The following PAX9 variants were observed in gnomAD, a reference collection of about 807,000 sequenced individuals.
PAX9 encodes the protein paired box protein Pax-9.
Under a neutral mutation model 29.1 loss-of-function variants are expected in PAX9, and 6 were observed. The observed-to-expected ratio is 0.21, with a 90% confidence interval of 0.11 to 0.41. The LOEUF is 0.41. PAX9 is among the 10% of genes least tolerant of loss of function. PAX9 has a pLI of 1.00. For missense variants in PAX9, 443 were observed against 479.1 expected, an observed-to-expected ratio of 0.92 and a Z score of 0.70; for synonymous variants, 217 against 211.7, an observed-to-expected ratio of 1.03 and a Z score of -0.22.
In PAX9 at chr14:36,661,994, G is replaced by A. The variant is rs1594465853; in HGVS notation, c.-96G>A. On this transcript the variant is annotated 5_prime_UTR_variant, in exon 1 of 4. Transcript: ENST00000361487. ...GGAAGAAGCGGAGGCGCCGGCGGTCGGCCGGGATAGCAACAGGCCGGGCCA... is the reference window on the plus strand; with the variant it reads ...GGAAGAAGCGGAGGCGCCGGCGGTCAGCCGGGATAGCAACAGGCCGGGCCA... 16 of 1,505,586 alleles carry A rather than the reference G, an allele frequency of 1.1e-5. No homozygotes were observed. The East Asian group carries it at 3.9e-4, about 37-fold the overall frequency. The allele number at this position is 1,505,586 out of a possible 1,614,324, so 93.3% of individuals were successfully genotyped here. A position where few individuals can be genotyped will look rare whatever the true frequency, so the allele number is the denominator to read the frequency against.
chr14:36,678,691 A>G lies in PAX9; in HGVS notation c.*2239A>G. 1 of 1,248,858 alleles carries G rather than the reference A, an allele frequency of 8.0e-7. No individual in the cohort carries two copies. Among genetic ancestry groups the G allele is most frequent in the Non-Finnish European group, 1.0e-6 (1 of 995,472 alleles). 77.4% of individuals were successfully genotyped at this position (1,248,858 alleles called of 1,614,324 possible). On this transcript the variant is annotated 3_prime_UTR_variant, in exon 4 of 4. Coordinates refer to ENST00000361487, the MANE Select transcript of PAX9 (RefSeq NM_001372076.1). ...ACTTGCTTGTGTGGAAATGCAAATAATGTTATTTTCTTTATCTAAATTAAG... is the reference window on the plus strand; with the variant it reads ...ACTTGCTTGTGTGGAAATGCAAATAGTGTTATTTTCTTTATCTAAATTAAG...
upstream of PAX9, among the ~76,000 whole-genome samples, chr14:36,660,624 C>A (rs1250689233): frequency 6.6e-6 from 1 of 152,104 alleles, no homozygotes; most frequent in Admixed American, 6.5e-5. Context: ...CACACACATC[C>A]CTGGGGACTG....
intron 3 of PAX9, among the ~76,000 whole-genome samples, chr14:36,674,786 T>C (rs1278619710): frequency 6.6e-6 from 1 of 152,224 alleles, no homozygotes; most frequent in African/African-American, 2.4e-5. Flanking sequence ...AAACACAACA[T>C]GAGGTGTTTG....
At chr14:36,662,681 C>T (rs754400652) in intron 1 of PAX9, 23 of 612,738 alleles carry the variant, frequency 3.8e-5, no homozygotes, top group Non-Finnish European at 6.2e-5. Flanking sequence ...TAGGGGCCTC[C>T]GGCACGGCAG....
Position 36,676,579 on chromosome 14 carries a change from G to C in PAX9, c.*127G>C. 4.7e-6 allele frequency: 5 copies of C among 1,057,676 alleles called. No individual in the cohort carries two copies. The highest frequency in any genetic ancestry group is 7.0e-6 in the Non-Finnish European group (5 of 710,000). The allele number at this position is 1,057,676 out of a possible 1,614,324, so 65.5% of individuals were successfully genotyped here. Reference sequence around the variant, plus strand: ...CTTCTGCCTTGAAAGCTGGCTGTACGGACTCACATCCTTTGTGCTAATGAC... The same window carrying C: ...CTTCTGCCTTGAAAGCTGGCTGTACCGACTCACATCCTTTGTGCTAATGAC... On this transcript the variant is annotated 3_prime_UTR_variant, in exon 4 of 4. Transcript: ENST00000361487.
chr14:36,673,598 C>T (rs1881776225), intron 3 of PAX9, among the ~76,000 whole-genome samples: 1 of 151,630 alleles, frequency 6.6e-6, no homozygotes. Context: ...GTAAATGGGG[C>T]AGATCAATGA....
chr14:36,676,435 A>G lies in PAX9; in HGVS notation c.1009A>G (p.Thr337Ala), dbSNP rs1317002348. ...AGCCAGAGAAGGTAGTCATTCTGTC[A>G]CGGCTTCCGCGCTCTGATGGGAAAT... ...QAAREGSHSV[T>A]ASAL The change falls in exon 4 of 4, where the codon ACG (threonine) becomes GCG (alanine). Residue 337 changes from threonine (T) to alanine (A), a missense_variant. Coordinates refer to ENST00000361487, the MANE Select transcript of PAX9 (RefSeq NM_001372076.1). The G allele has an allele frequency of 6.2e-7, 1 of 1,613,584 alleles. No homozygotes were observed.
chr14:36,661,170 C>T (rs1265908839), upstream of PAX9, among the ~76,000 whole-genome samples: 1 of 152,242 alleles, frequency 6.6e-6, no homozygotes, highest in African/African-American at 2.4e-5. Flanking sequence ...GTTCAGTTCC[C>T]CGCACACGGC....
chr14:36,672,983 A>G (rs1881751761), intron 3 of PAX9, among the ~76,000 whole-genome samples: 1 of 147,126 alleles, frequency 6.8e-6, no homozygotes. Flanking sequence ...TTCCTGCCTC[A>G]GACTCCCAAG....
intron 2 of PAX9, 171 bp from the exon 3 acceptor site, chr14:36,666,291 G>C: frequency 1.3e-6 from 1 of 746,636 alleles, no homozygotes; most frequent in Middle Eastern, 4.0e-4. Context: ...CAGGCCCTGG[G>C]CTGGAAGCAC....
intron 3 of PAX9, among the ~76,000 whole-genome samples, chr14:36,667,369 A>G (rs1159246359): frequency 6.6e-6 from 1 of 151,776 alleles, no homozygotes. Flanking sequence ...ACCACAACAA[A>G]AGCCCCAGAT....
intron 2 of PAX9, among the ~76,000 whole-genome samples, chr14:36,665,423 A>T (rs1490723652): frequency 6.6e-6 from 1 of 152,218 alleles, no homozygotes; most frequent in Non-Finnish European, 1.5e-5. Context: ...GGAAGTGTTT[A>T]AAATCAAGTT....
chr14:36,668,450 G>A (rs562600964), intron 3 of PAX9, among the ~76,000 whole-genome samples: 4 of 152,238 alleles, frequency 2.6e-5, no homozygotes, highest in East Asian at 1.9e-4. Context: ...GTGCAGTGGC[G>A]CGATCTCTAC....
intron 3 of PAX9, among the ~76,000 whole-genome samples, chr14:36,673,737 G>C (rs1179076814): frequency 6.6e-6 from 1 of 152,184 alleles, no homozygotes; most frequent in Admixed American, 6.5e-5. Context: ...ATTTAGCTGT[G>C]ATGAAAAATA....
In PAX9 at chr14:36,679,175, A is replaced by G. The variant is rs899077106; in HGVS notation, c.*2723A>G. 31 of 985,000 alleles carry G rather than the reference A, an allele frequency of 3.1e-5. No individual in the cohort carries two copies. Among genetic ancestry groups the G allele is most frequent in the Non-Finnish European group, 3.6e-5 (30 of 829,740 alleles). The allele number at this position is 985,000 out of a possible 1,614,324, so 61.0% of individuals were successfully genotyped here. A position where few individuals can be genotyped will look rare whatever the true frequency, so the allele number is the denominator to read the frequency against. On this transcript the variant is annotated 3_prime_UTR_variant, in exon 4 of 4. Transcript: ENST00000361487. ...AGTTGTGCAACAGAGACACATTCTT[A>G]TTTCTTTTTTTTCACAATTTTGTTT...
At chr14:36,675,977 T>A (rs925931111) in intron 3 of PAX9, among the ~76,000 whole-genome samples, 2 of 152,220 alleles carry the variant, frequency 1.3e-5, no homozygotes, top group Non-Finnish European at 2.9e-5. Flanking sequence ...TTTCTCTAAA[T>A]GTTTGTGGAA....
chr14:36,661,979 G>T lies in PAX9; in HGVS notation c.-111G>T. 7.2e-7 allele frequency: 1 copy of T among 1,382,950 alleles called. No homozygotes were observed. Among genetic ancestry groups the T allele is most frequent in the Admixed American group, 2.0e-5 (1 of 50,832 alleles). 85.7% of individuals were successfully genotyped at this position (1,382,950 alleles called of 1,614,324 possible). ...CGCCTCCTCCTCCTGGGAAGAAGCG[G>T]AGGCGCCGGCGGTCGGCCGGGATAG... On this transcript the variant is annotated 5_prime_UTR_variant, in exon 1 of 4. Transcript: ENST00000361487.
chr14:36,674,213 T>C (rs559949513), intron 3 of PAX9, among the ~76,000 whole-genome samples: 1 of 152,218 alleles, frequency 6.6e-6, no homozygotes, highest in Non-Finnish European at 1.5e-5. Context: ...AAACTATTCT[T>C]TTTTTAGAAG....
intron 3 of PAX9, among the ~76,000 whole-genome samples, chr14:36,675,045 C>A (rs1881832868): frequency 6.6e-6 from 1 of 152,110 alleles, no homozygotes; most frequent in East Asian, 1.9e-4. Flanking sequence ...GAAAAAGTAC[C>A]TAGCTAACAT....
Sources: gnomAD v4.1 joint callset for allele counts (sites outside exome capture counted in the v4.1 genomes callset) on GRCh38, gnomAD v4.1.1 for gene constraint, MANE v1.5 for transcripts, NCBI Gene and HGNC (gene_info 2026-07-23, HGNC 2026-07-21) for gene names.